TTC7B: variants seen among roughly 807,000 people sequenced by gnomAD.
TTC7B encodes tetratricopeptide repeat protein 7B.
In TTC7B, 28 loss-of-function variants were observed where a neutral mutation model predicts 106.8. The ratio of observed to expected loss-of-function variants is 0.26; its 90% CI spans 0.19 to 0.36. TTC7B has a LOEUF of 0.36. Ranked by LOEUF, TTC7B falls within the 10% of genes least tolerant of loss-of-function variation. The pLI, the probability that TTC7B is intolerant of heterozygous loss-of-function variation, is 1.00. For synonymous variants in TTC7B, 405 were observed against 430.6 expected, an observed-to-expected ratio of 0.94 and a Z score of 0.74; for missense variants, 862 against 1,076.4, an observed-to-expected ratio of 0.80 and a Z score of 2.79.
chr14:90,544,374 C>G (rs1306310471), intron 19 of TTC7B, among the ~76,000 whole-genome samples: 3 of 151,946 alleles, frequency 2.0e-5, no homozygotes, highest in Non-Finnish European at 4.4e-5. Context: ...GGTGGCCAAA[C>G]AGCCGAGGGT....
rs2140057816 is a variant in TTC7B at position 90,802,461 on chromosome 14, AGTGACAGAGGGCGCCAGC to A, written c.121+13696_121+13713del. 5.7e-5 allele frequency among the ~76,000 whole-genome samples: 1 copy of A among 17,540 alleles called. No individual in the cohort carries two copies. The highest frequency in any genetic ancestry group is 2.1e-3 in the East Asian group (1 of 476). 11.5% of individuals were successfully genotyped at this position (17,540 alleles called of 152,430 possible). On this transcript the variant is annotated intron_variant, in intron 1 of 19. Transcript: ENST00000328459. The surrounding 1 kb of genome is among the most constrained non-coding windows in gnomAD (Gnocchi z 4.7). ...TCTGAAGGGAGTGAGGGCTCCAAGC[AGTGACAGAGGGCGCCAGC>A]AGTGACAGAGGGGAAAGCTGGTCGA...
rs1466164093 is a variant in TTC7B at position 90,578,129 on chromosome 14, G to A, written c.2287C>T (p.His763Tyr). The A allele has an allele frequency of 6.2e-7, 1 of 1,611,954 alleles. No individual in the cohort carries two copies. Among genetic ancestry groups the A allele is most frequent in the Admixed American group, 1.7e-5 (1 of 59,676 alleles). ...YEEALAISPTHVKSMQRLALI... is the reference protein window; with the variant it reads ...YEEALAISPTYVKSMQRLALI... ...ACCAGTCGCTGCATGCTCTTCACGT[G>A]GGTGGGGCTGATGGCTAAGGCCTCT... Residue 763 changes from histidine (H) to tyrosine (Y), a missense_variant, in exon 19 of 20, where the codon CAC becomes TAC. By Grantham distance (83) the His-to-Tyr change is moderately conservative (BLOSUM62 2). Coordinates refer to ENST00000328459, the MANE Select transcript of TTC7B (RefSeq NM_001010854.2). This position sits in a 1 kb window ranked among gnomAD's most constrained non-coding sequence, Gnocchi z 4.7.
chr14:90,598,281 G>A (rs1349933100), intron 17 of TTC7B, among the ~76,000 whole-genome samples: 2 of 152,212 alleles, frequency 1.3e-5, no homozygotes, highest in Non-Finnish European at 2.9e-5. Flanking sequence ...GTGCAAGGGC[G>A]TGTGACGTCC....
intron 19 of TTC7B, among the ~76,000 whole-genome samples, chr14:90,564,365 C>T (rs1270929695): frequency 6.6e-6 from 1 of 152,156 alleles, no homozygotes; most frequent in Admixed American, 6.5e-5. Flanking sequence ...GGTGTGCCAT[C>T]ATCCAGGCTT....
intron 15 of TTC7B, among the ~76,000 whole-genome samples, chr14:90,623,588 C>T (rs1394807026): frequency 6.6e-6 from 1 of 152,242 alleles, no homozygotes. Context: ...GAGAAAAAGA[C>T]TTGACCACTA....
chr14:90,622,460 T>C (rs532100336), intron 15 of TTC7B, among the ~76,000 whole-genome samples: 20 of 150,342 alleles, frequency 1.3e-4, no homozygotes, highest in Non-Finnish European at 3.0e-4. Context: ...CCAGGCATGG[T>C]GGCTTAAGCC....
intron 19 of TTC7B, 69 bp from the exon 20 acceptor site, chr14:90,541,658 C>G (rs1178416233): frequency 7.8e-7 from 1 of 1,288,190 alleles, no homozygotes; most frequent in African/African-American, 1.5e-5. Context: ...TCCTACTTGT[C>G]CTCGAGTTTC....
intron 6 of TTC7B, among the ~76,000 whole-genome samples, chr14:90,693,476 T>C (rs1235839995): frequency 6.6e-6 from 1 of 152,192 alleles, no homozygotes. Flanking sequence ...CCTTATTCTG[T>C]CTGGGTTTGG....
chr14:90,704,200 C>T (rs1009477239), intron 5 of TTC7B, among the ~76,000 whole-genome samples: 3 of 152,264 alleles, frequency 2.0e-5, no homozygotes, highest in Admixed American at 2.0e-4. Flanking sequence ...CAACCAGCTG[C>T]TACGTCCCAC....
intron 3 of TTC7B, among the ~76,000 whole-genome samples, chr14:90,760,370 C>T (rs552229616): frequency 1.3e-5 from 2 of 152,258 alleles, no homozygotes; most frequent in South Asian, 2.1e-4. Context: ...GCATGCCATA[C>T]CTAGACCTGC....
chr14:90,531,477 G>T lies in TTC7B; in HGVS notation c.*9891C>A, dbSNP rs186299959. The stretch of plus-strand genomic sequence containing the variant: ...AAAAACAAAAAACAAAAATCAGCTG[G>T]ACGTGATGGCGCATGCCTGTAATCC... On this transcript the variant is annotated 3_prime_UTR_variant, in exon 20 of 20. Transcript: ENST00000328459. 6.6e-6 allele frequency: 1 copy of T among 152,046 alleles called. No homozygotes were observed. The highest frequency in any genetic ancestry group is 6.6e-5 in the Admixed American group (1 of 15,260). 9.4% of individuals were successfully genotyped at this position (152,046 alleles called of 1,614,324 possible).
rs1595054581 is a variant in TTC7B, at chr14:90,807,919, G to C, written c.121+8256C>G. On this transcript the variant is annotated intron_variant, in intron 1 of 19. Transcript: ENST00000328459. The surrounding 1 kb of genome is among the most constrained non-coding windows in gnomAD (Gnocchi z 4.1). ...TCTGGGAGTGGGGCTTTGCAATCTG[G>C]ATTCTAACAAGCTGTCTAGAAGTGA... is the stretch of plus-strand genomic sequence containing the variant. Among the ~76,000 whole-genome samples the C allele has an allele frequency of 6.6e-6, 1 of 152,350 alleles. No individual in the cohort carries two copies. Among genetic ancestry groups the C allele is most frequent in the African/African-American group, 2.4e-5 (1 of 41,584 alleles).
chr14:90,694,646 T>C (rs866285572), intron 6 of TTC7B, among the ~76,000 whole-genome samples: 4 of 144,610 alleles, frequency 2.8e-5, no homozygotes, highest in Non-Finnish European at 6.0e-5. Flanking sequence ...ATAACACATA[T>C]GTCACATATA....
intron 18 of TTC7B, among the ~76,000 whole-genome samples, chr14:90,592,827 C>T (rs550266923): frequency 6.6e-6 from 1 of 152,234 alleles, no homozygotes; most frequent in South Asian, 2.1e-4. Context: ...GCCCCCCTTC[C>T]GGGCCAGTCT....
intron 19 of TTC7B, among the ~76,000 whole-genome samples, chr14:90,560,666 G>C (rs975377668): frequency 9.2e-5 from 14 of 152,248 alleles, no homozygotes; most frequent in African/African-American, 2.2e-4. Flanking sequence ...TCCCATTCAG[G>C]CTCCAAACGG....
At chr14:90,574,109 C>T (rs1376505076) in intron 19 of TTC7B, among the ~76,000 whole-genome samples, 1 of 152,184 alleles carries the variant, frequency 6.6e-6, no homozygotes. Context: ...CTCCTCTGTC[C>T]ACCATGAGCC....
chr14:90,740,690 C>A (rs963810003), intron 4 of TTC7B, among the ~76,000 whole-genome samples: 4 of 151,682 alleles, frequency 2.6e-5, no homozygotes, highest in African/African-American at 9.7e-5. Flanking sequence ...TCAGTGGAGA[C>A]GGGGTTTCAC....
Position 90,646,986 on chromosome 14 carries a change from A to C in TTC7B, c.1555T>G (p.Phe519Val). 1.9e-6 allele frequency: 3 copies of C among 1,614,202 alleles called. No individual in the cohort carries two copies. The highest frequency in any genetic ancestry group is 2.5e-6 in the Non-Finnish European group (3 of 1,180,038). ...ATGGCAAGCTGCAGAGCCAGGTAGA[A>C]AGCTGCTTGGTGATCTGTGGGTGAC... is the stretch of plus-strand genomic sequence containing the variant. ...SLSPTDHQAA[F>V]YLALQLAISR... The change falls in exon 14 of 20, where the codon TTC becomes GTC. Residue 519 changes from phenylalanine to valine, a missense_variant. Phe to Val is a conservative substitution (Grantham distance 50). Transcript: ENST00000328459.
intron 5 of TTC7B, among the ~76,000 whole-genome samples, chr14:90,726,853 C>T (rs2139984870): frequency 6.6e-6 from 1 of 152,290 alleles, no homozygotes; most frequent in East Asian, 1.9e-4. Context: ...CTTGTTGCTG[C>T]CACCCAGAGG....
Sources: allele counts gnomAD v4.1 joint callset (sites outside exome capture counted in the v4.1 genomes callset), GRCh38; gene constraint gnomAD v4.1.1; non-coding constraint Gnocchi (gnomAD v3.1); transcripts MANE v1.5; gene names NCBI Gene and HGNC (gene_info 2026-07-23, HGNC 2026-07-21).